Variants in GRM8 observed in about 807,000 individuals in gnomAD.
The protein encoded by GRM8 is glutamate metabotropic receptor 8, also known as metabotropic glutamate receptor 8.
In GRM8, 47 loss-of-function variants were observed where a neutral mutation model predicts 87.2. That is an observed-to-expected ratio of 0.54 (90% CI 0.43 to 0.69). GRM8 has a LOEUF of 0.69. Ranked by LOEUF, GRM8 falls within the 30% of genes least tolerant of loss-of-function variation. The pLI is 0.00. For missense variants in GRM8, 1,019 were observed against 1,139.2 expected (o/e 0.89, Z 1.52); for synonymous variants, 396 against 404.5 (o/e 0.98, Z 0.25).
At chr7:126,703,664 AC>A (rs1810183208) in intron 7 of GRM8, among the ~76,000 whole-genome samples, 1 of 151,980 alleles carries the variant, frequency 6.6e-6, no homozygotes, top group Non-Finnish European at 1.5e-5. Context: ...GCCTTGAGCG[AC>A]CCTCTTGCCT....
At chr7:126,480,977 A>T (rs2150593158) in intron 9 of GRM8, among the ~76,000 whole-genome samples, 1 of 152,186 alleles carries the variant, frequency 6.6e-6, no homozygotes, top group African/African-American at 2.4e-5. Flanking sequence ...AAAGGAAATA[A>T]TTTTTACGAA....
chr7:126,780,940 G>A lies in GRM8; in HGVS notation c.1157-10875C>T, dbSNP rs576061607. 2.0e-4 allele frequency among the ~76,000 whole-genome samples: 30 copies of A among 152,234 alleles called. No individual in the cohort carries two copies. In the East Asian group the frequency reaches 3.1e-3, roughly 16 times the overall value. Reference sequence around the variant, plus strand: ...TTTTATAGTTCAGAAAGGAGCATACGGTGTCATGGGCTAAGGTGGTGATGA... The same window carrying A: ...TTTTATAGTTCAGAAAGGAGCATACAGTGTCATGGGCTAAGGTGGTGATGA... On this transcript the variant is annotated intron_variant, in intron 6 of 10. Transcript: ENST00000339582.
chr7:126,729,496 G>A (rs1012280243), intron 7 of GRM8, among the ~76,000 whole-genome samples: 9 of 152,160 alleles, frequency 5.9e-5, no homozygotes, highest in African/African-American at 4.8e-5. Flanking sequence ...CCTATATGCC[G>A]TGTAATATAT....
chr7:126,853,819 T>C lies in GRM8; in HGVS notation c.1156+48723A>G, dbSNP rs139280288. ...CACTTGCTCTCCAACTTCTCCGTTA[T>C]TTGCTTTTCCTCTTTCCTCTCTCTC... On this transcript the variant is annotated intron_variant, in intron 6 of 10. Coordinates refer to ENST00000339582, the MANE Select transcript of GRM8 (RefSeq NM_000845.3). Among the ~76,000 whole-genome samples, 358 of 152,284 alleles carry C rather than the reference T, an allele frequency of 2.4e-3. 3 individuals carry two copies. Among genetic ancestry groups the C allele is most frequent in the African/African-American group, 8.4e-3 (348 of 41,572 alleles).
chr7:126,716,583 T>G (rs1399010425), intron 7 of GRM8, among the ~76,000 whole-genome samples: 20 of 151,824 alleles, frequency 1.3e-4, no homozygotes, highest in Non-Finnish European at 1.5e-5. Flanking sequence ...CCCTATGAAA[T>G]GTTGGTTTTC....
chr7:126,958,556 G>A (rs990081044), intron 3 of GRM8, among the ~76,000 whole-genome samples: 1 of 152,158 alleles, frequency 6.6e-6, no homozygotes, highest in African/African-American at 2.4e-5. Context: ...TCCAACGCTC[G>A]CTTGTTCACA....
At chr7:127,103,341 T>C (rs1328171649) in intron 3 of GRM8, among the ~76,000 whole-genome samples, 2 of 152,196 alleles carry the variant, frequency 1.3e-5, no homozygotes, top group Non-Finnish European at 2.9e-5. Flanking sequence ...GGGGCAGATC[T>C]CTCATTGCTT....
rs2151346255 is a variant in GRM8 at position 126,685,167 on chromosome 7, G to A, written c.1358-75669C>T. On this transcript the variant is annotated intron_variant, in intron 7 of 10. Transcript: ENST00000339582. This position sits in a 1 kb window ranked among gnomAD's most constrained non-coding sequence, Gnocchi z 4.2. Reference sequence around the variant, plus strand: ...CAGCCACTGCTATGGGGAGTTCATGGGGAAGAGGCGAATAGTCCCTAGAGA... The same window carrying A: ...CAGCCACTGCTATGGGGAGTTCATGAGGAAGAGGCGAATAGTCCCTAGAGA... Among the ~76,000 whole-genome samples the A allele has an allele frequency of 1.3e-5, 2 of 152,334 alleles. No individual in the cohort carries two copies. Among genetic ancestry groups the A allele is most frequent in the Middle Eastern group, 6.8e-3 (2 of 294 alleles).
chr7:126,610,133 C>G (rs1798775977), intron 7 of GRM8, among the ~76,000 whole-genome samples: 1 of 152,208 alleles, frequency 6.6e-6, no homozygotes, highest in South Asian at 2.1e-4. Context: ...GGCAGAGCAG[C>G]AGGGTGCAAG....
intron 9 of GRM8, among the ~76,000 whole-genome samples, chr7:126,519,494 T>C (rs1456301036): frequency 6.6e-6 from 1 of 152,124 alleles, no homozygotes; most frequent in Non-Finnish European, 1.5e-5. Flanking sequence ...TAGCAATTTT[T>C]ACTGAGTAAC....
At chr7:126,525,278 T>G (rs1813660025) in intron 9 of GRM8, among the ~76,000 whole-genome samples, 2 of 152,332 alleles carry the variant, frequency 1.3e-5, no homozygotes, top group African/African-American at 4.8e-5. Context: ...GAAACTTATA[T>G]TCTTATCCTA....
At chr7:127,073,843 C>T (rs1412675554) in intron 3 of GRM8, among the ~76,000 whole-genome samples, 1 of 152,178 alleles carries the variant, frequency 6.6e-6, no homozygotes, top group African/African-American at 2.4e-5. Flanking sequence ...GCTCCTCCAA[C>T]TAGACAGAAA....
In GRM8 at chr7:126,533,275, T is replaced by C; in HGVS notation, c.2107A>G (p.Ile703Val). ...ASQLVITFSL[I>V]SVQLLGVFVW... Reference sequence around the variant, plus strand: ...AACACTCCAAGGAGCTGGACGGAGATGAGGCTGAAGGTGATCACCAGCTGA... The same window carrying C: ...AACACTCCAAGGAGCTGGACGGAGACGAGGCTGAAGGTGATCACCAGCTGA... The change falls in exon 9 of 11, where the codon ATC (isoleucine) becomes GTC (valine). Residue 703 changes from isoleucine to valine, a missense_variant. Coordinates refer to ENST00000339582, the MANE Select transcript of GRM8 (RefSeq NM_000845.3). 4.3e-6 allele frequency: 7 copies of C among 1,613,574 alleles called. No individual in the cohort carries two copies. The highest frequency in any genetic ancestry group is 5.9e-6 in the Non-Finnish European group (7 of 1,179,898).
chr7:126,962,548 C>G (rs1163667009), intron 3 of GRM8, among the ~76,000 whole-genome samples: 1 of 152,236 alleles, frequency 6.6e-6, no homozygotes, highest in Admixed American at 6.5e-5. Flanking sequence ...GTAGAACACA[C>G]AGAAGTTTAT....
chr7:126,471,950 G>A (rs1192447946), intron 9 of GRM8, among the ~76,000 whole-genome samples: 1 of 152,094 alleles, frequency 6.6e-6, no homozygotes, highest in East Asian at 1.9e-4. Flanking sequence ...TCTCTTTGAA[G>A]CAATTGTGAA....
chr7:126,550,793 G>A (rs1792503035), intron 8 of GRM8, among the ~76,000 whole-genome samples: 1 of 151,676 alleles, frequency 6.6e-6, no homozygotes, highest in South Asian at 2.1e-4. Context: ...ACTATAAGAA[G>A]TAGAGGGAAT....
At position 126,787,886 on chromosome 7, in the gene GRM8, T is replaced by G. The variant is rs1442152179; in HGVS notation, c.1157-17821A>C. ...TAATTTTTAGTTAATTTCACTAATATTCAGAGAAATTCCTAAAACTTTCCG... is the reference window on the plus strand; with the variant it reads ...TAATTTTTAGTTAATTTCACTAATAGTCAGAGAAATTCCTAAAACTTTCCG... On this transcript the variant is annotated intron_variant, in intron 6 of 10. Coordinates refer to ENST00000339582, the MANE Select transcript of GRM8 (RefSeq NM_000845.3). Among the ~76,000 whole-genome samples the G allele has an allele frequency of 2.0e-5, 3 of 152,180 alleles. No homozygotes were observed. In the South Asian group the frequency reaches 6.2e-4, roughly 32 times the overall value.
chr7:126,678,818 G>C (rs1207529135), intron 7 of GRM8, among the ~76,000 whole-genome samples: 1 of 152,106 alleles, frequency 6.6e-6, no homozygotes, highest in African/African-American at 2.4e-5. Context: ...GTGGGAGGTT[G>C]CTCCAATTAA....
intron 2 of GRM8, among the ~76,000 whole-genome samples, chr7:127,231,017 G>T (rs1471494843): frequency 6.6e-6 from 1 of 152,128 alleles, no homozygotes; most frequent in Non-Finnish European, 1.5e-5. Context: ...CAGGATTTTG[G>T]TCATTTCCCC....
Sources: gnomAD v4.1 joint callset for allele counts (sites outside exome capture counted in the v4.1 genomes callset) on GRCh38, gnomAD v4.1.1 for gene constraint, Gnocchi (gnomAD v3.1) non-coding constraint, MANE v1.5 for transcripts, NCBI Gene and HGNC (gene_info 2026-07-23, HGNC 2026-07-21) for gene names.